Variants in SORBS2 observed in about 807,000 individuals in gnomAD.
SORBS2 encodes sorbin and SH3 domain-containing protein 2.
In SORBS2, 46 loss-of-function variants were observed where a neutral mutation model predicts 97.7. That is an observed-to-expected ratio of 0.47 (90% CI 0.37 to 0.60). The LOEUF (loss-of-function observed/expected upper bound fraction) is 0.60. Ranked by LOEUF, SORBS2 falls within the 20% of genes least tolerant of loss-of-function variation. The probability of loss-of-function intolerance (pLI) is 0.00; values close to 1 mark genes in which losing one functional copy is unlikely to be tolerated. For synonymous variants in SORBS2, 476 were observed against 473.4 expected (o/e 1.01, Z -0.07); for missense variants, 1,316 against 1,282.3 (o/e 1.03, Z -0.40).
chr4:185,863,285 G>A (rs1425104445), intron 1 of SORBS2, among the ~76,000 whole-genome samples: 4 of 137,766 alleles, frequency 2.9e-5, no homozygotes, highest in African/African-American at 1.1e-4. Flanking sequence ...AGGCAATGTC[G>A]GGTACTGAGG....
intron 2 of SORBS2, among the ~76,000 whole-genome samples, chr4:185,758,937 C>T (rs2098847056): frequency 6.6e-6 from 1 of 152,232 alleles, no homozygotes; most frequent in African/African-American, 2.4e-5. Context: ...ATGTTTTGAG[C>T]CCCTTTTACT....
intron 1 of SORBS2, among the ~76,000 whole-genome samples, chr4:185,868,159 C>CTTTCTTTTTTTTTTTTTTTTTTTT (rs59057506): frequency 9.5e-6 from 1 of 105,222 alleles, no homozygotes; most frequent in African/African-American, 3.9e-5. Context: ...TTTTTTCTTT[C>CTTTCTTTTTTTTTTTTTTTTTTTT]TTTTTTTTTT....
intron 2 of SORBS2, among the ~76,000 whole-genome samples, chr4:185,729,796 AT>A (rs989918122): frequency 6.6e-6 from 1 of 152,056 alleles, no homozygotes; most frequent in Admixed American, 6.5e-5. Flanking sequence ...AACTTATGTA[AT>A]TTTTTTTCAG....
intron 11 of SORBS2, among the ~76,000 whole-genome samples, chr4:185,613,865 C>T (rs10025055): frequency 0.02 from 3,007 of 151,970 alleles, 82 homozygotes; most frequent in African/African-American, 0.07. Context: ...AAGAAGGAAT[C>T]GGCTGATGAT....
chr4:185,712,180 C>T (rs1346526641), intron 2 of SORBS2, among the ~76,000 whole-genome samples: 3 of 152,112 alleles, frequency 2.0e-5, no homozygotes, highest in Non-Finnish European at 2.9e-5. Context: ...TACCTATAAC[C>T]ATGCCCCACC....
intron 9 of SORBS2, among the ~76,000 whole-genome samples, chr4:185,615,921 GT>G (rs2096619356): frequency 6.6e-6 from 1 of 152,286 alleles, no homozygotes; most frequent in African/African-American, 2.4e-5. Context: ...ATAATTTTAA[GT>G]TATAATGACA....
At chr4:185,904,306 T>C (rs772839057) in intron 1 of SORBS2, among the ~76,000 whole-genome samples, 1 of 152,150 alleles carries the variant, frequency 6.6e-6, no homozygotes, top group Non-Finnish European at 1.5e-5. Context: ...TTGTGCACTT[T>C]AGAAATGGGG....
intron 1 of SORBS2, among the ~76,000 whole-genome samples, chr4:185,867,544 T>G (rs961206185): frequency 1.3e-5 from 2 of 152,188 alleles, no homozygotes; most frequent in African/African-American, 4.8e-5. Flanking sequence ...GTGGACAATC[T>G]TAGTCCAAGA....
rs369468793 is a variant in SORBS2 at position 185,686,933 on chromosome 4, T to C, written c.-197-8111A>G. 8.9e-4 allele frequency among the ~76,000 whole-genome samples: 136 copies of C among 152,356 alleles called. 1 individual carries two copies. In the Middle Eastern group the frequency reaches 0.014, roughly 15 times the overall value. On this transcript the variant is annotated intron_variant, in intron 2 of 20. Transcript: ENST00000284776. Reference sequence around the variant, plus strand: ...TGAACTACTTGCTTGGGGCAGTGCCTGGTTTCAACATAATAGACGCGCTAT... The same window carrying C: ...TGAACTACTTGCTTGGGGCAGTGCCCGGTTTCAACATAATAGACGCGCTAT...
Position 185,692,996 on chromosome 4 carries a change from G to A in SORBS2, c.-197-14174C>T, listed in dbSNP as rs113313157. Among the ~76,000 whole-genome samples the A allele has an allele frequency of 9.2e-3, 1,407 of 152,232 alleles. 25 individuals carry two copies. Among genetic ancestry groups the A allele is most frequent in the African/African-American group, 0.033 (1,353 of 41,532 alleles). ...TTACTATATGGTGTTTAATTTTTGTGTGGTCTGTGTTCAGTGTCATATCGT... is the reference window on the plus strand; with the variant it reads ...TTACTATATGGTGTTTAATTTTTGTATGGTCTGTGTTCAGTGTCATATCGT... On this transcript the variant is annotated intron_variant, in intron 2 of 20. Transcript: ENST00000284776.
intron 2 of SORBS2, among the ~76,000 whole-genome samples, chr4:185,692,141 C>G (rs1391596727): frequency 1.3e-5 from 2 of 152,166 alleles, no homozygotes; most frequent in East Asian, 3.9e-4. Flanking sequence ...AGGAAAGACA[C>G]GCTGATAAGG....
intron 1 of SORBS2, among the ~76,000 whole-genome samples, chr4:185,907,422 T>C (rs1307811206): frequency 3.3e-5 from 5 of 152,214 alleles, no homozygotes; most frequent in African/African-American, 1.2e-4. Flanking sequence ...AAAAGCTCGG[T>C]TCTCCTGAGG....
intron 1 of SORBS2, among the ~76,000 whole-genome samples, chr4:185,831,674 C>A (rs933464683): frequency 6.6e-6 from 1 of 152,172 alleles, no homozygotes; most frequent in South Asian, 2.1e-4. Flanking sequence ...GGGTGTTGGC[C>A]ATGGAGTGGT....
intron 1 of SORBS2, among the ~76,000 whole-genome samples, chr4:185,850,366 G>C (rs796272170): frequency 6.6e-6 from 1 of 152,102 alleles, no homozygotes; most frequent in Non-Finnish European, 1.5e-5. Flanking sequence ...CCCATATGTC[G>C]AGAGTCTAAC....
chr4:185,839,546 G>A (rs940056320), intron 1 of SORBS2, among the ~76,000 whole-genome samples: 1 of 152,172 alleles, frequency 6.6e-6, no homozygotes, highest in African/African-American at 2.4e-5. Context: ...AGCACACTGA[G>A]CGCTCCCTAG....
chr4:185,874,553 G>C (rs1317305642), intron 1 of SORBS2, among the ~76,000 whole-genome samples: 1 of 152,128 alleles, frequency 6.6e-6, no homozygotes, highest in East Asian at 1.9e-4. Flanking sequence ...TTGACAAAAT[G>C]CATTTTTAAG....
Position 185,905,544 on chromosome 4 carries a change from T to C in SORBS2, c.-338+50652A>G, listed in dbSNP as rs551966231. 7.5e-4 allele frequency among the ~76,000 whole-genome samples: 114 copies of C among 152,342 alleles called. 2 individuals carry two copies. The South Asian group carries it at 0.023, about 31-fold the overall frequency. ...AACAGTCATAACGGTATTCCATTTC[T>C]GAAGCATAATGATACACCTATCAAA... On this transcript the variant is annotated intron_variant, in intron 1 of 20. Transcript: ENST00000284776.
intron 2 of SORBS2, among the ~76,000 whole-genome samples, chr4:185,740,602 C>A (rs2098716532): frequency 6.6e-6 from 1 of 152,128 alleles, no homozygotes. Context: ...CTCAGCCCAA[C>A]ATTAACTCAG....
At chr4:185,895,587 A>G (rs1380755973) in intron 1 of SORBS2, among the ~76,000 whole-genome samples, 4 of 152,216 alleles carry the variant, frequency 2.6e-5, no homozygotes, top group Non-Finnish European at 5.9e-5. Flanking sequence ...CACCGGGCCC[A>G]GTGCCCGGCT....
Sources: gnomAD v4.1 joint callset for allele counts (sites outside exome capture counted in the v4.1 genomes callset) on GRCh38, gnomAD v4.1.1 for gene constraint, MANE v1.5 for transcripts, NCBI Gene and HGNC (gene_info 2026-07-23, HGNC 2026-07-21) for gene names.